The following DLGAP2 variants were observed in gnomAD, a reference collection of about 807,000 sequenced individuals.
DLGAP2 encodes disks large-associated protein 2.
Under a neutral mutation model 100.3 loss-of-function variants are expected in DLGAP2, and 26 were observed. That is an observed-to-expected ratio of 0.26 (90% CI 0.19 to 0.36). The LOEUF (loss-of-function observed/expected upper bound fraction) is 0.36, where lower values mean the gene tolerates loss of function less well. DLGAP2 is among the 10% of genes least tolerant of loss of function. The pLI, the probability that DLGAP2 is intolerant of heterozygous loss-of-function variation, is 1.00. For synonymous variants in DLGAP2, 886 were observed against 630.1 expected, an observed-to-expected ratio of 1.41 and a Z score of -6.08; for missense variants, 1,858 against 1,453.2, an observed-to-expected ratio of 1.28 and a Z score of -4.53.
At chr8:1,201,266 C>A (rs1468158374) in intron 2 of DLGAP2, among the ~76,000 whole-genome samples, 1 of 152,212 alleles carries the variant, frequency 6.6e-6, no homozygotes, top group Non-Finnish European at 1.5e-5. Context: ...CAGGTCCCAA[C>A]CACAGAGCCG....
chr8:1,639,084 G>C (rs1209013120), intron 8 of DLGAP2, among the ~76,000 whole-genome samples: 1 of 152,232 alleles, frequency 6.6e-6, no homozygotes, highest in East Asian at 1.9e-4. Flanking sequence ...CAGGTGCCGA[G>C]TAGTTCAGAT....
chr8:1,630,873 C>T (rs917327936), intron 7 of DLGAP2, among the ~76,000 whole-genome samples: 9 of 151,676 alleles, frequency 5.9e-5, no homozygotes, highest in Non-Finnish European at 1.2e-4. Flanking sequence ...GCTCATGTCC[C>T]GAGGGTCTCG....
intron 2 of DLGAP2, among the ~76,000 whole-genome samples, chr8:1,229,560 G>C (rs1272349175): frequency 6.6e-6 from 1 of 152,012 alleles, no homozygotes; most frequent in African/African-American, 2.4e-5. Context: ...TGTGGGATTA[G>C]GTGTAATGTG....
intron 1 of DLGAP2, among the ~76,000 whole-genome samples, chr8:839,947 C>T (rs1440727787): frequency 6.6e-6 from 1 of 151,790 alleles, no homozygotes; most frequent in African/African-American, 2.4e-5. Context: ...TGCACACCTG[C>T]ATGTCTCCGT....
At chr8:1,166,695 T>C (rs1797023033) in intron 2 of DLGAP2, among the ~76,000 whole-genome samples, 1 of 152,284 alleles carries the variant, frequency 6.6e-6, no homozygotes, top group East Asian at 1.9e-4. Flanking sequence ...TCACCCCACA[T>C]TGTGAACGTG....
At chr8:931,652 C>A (rs1278535813) in intron 2 of DLGAP2, among the ~76,000 whole-genome samples, 1 of 152,200 alleles carries the variant, frequency 6.6e-6, no homozygotes, top group Non-Finnish European at 1.5e-5. Flanking sequence ...CCAGCCCATT[C>A]TGAGTTTCTG....
chr8:1,428,787 G>A (rs1407147579), intron 3 of DLGAP2, among the ~76,000 whole-genome samples: 1 of 152,182 alleles, frequency 6.6e-6, no homozygotes, highest in African/African-American at 2.4e-5. Flanking sequence ...TCATATCAGT[G>A]CATGTGCTGC....
intron 3 of DLGAP2, among the ~76,000 whole-genome samples, chr8:1,276,774 T>A (rs1205552876): frequency 2.0e-5 from 3 of 152,198 alleles, no homozygotes; most frequent in Non-Finnish European, 4.4e-5. Context: ...TAAAGTTGTT[T>A]TCATTGTTTA....
chr8:774,830 G>A (rs369106663), intron 1 of DLGAP2, among the ~76,000 whole-genome samples: 4 of 145,826 alleles, frequency 2.7e-5, no homozygotes, highest in East Asian at 2.0e-4. Context: ...TTGGCGATGC[G>A]GGCTCTTTTT....
chr8:835,187 C>A (rs183130981), intron 1 of DLGAP2, among the ~76,000 whole-genome samples: 114 of 152,320 alleles, frequency 7.5e-4, no homozygotes, highest in African/African-American at 2.6e-3. Flanking sequence ...ATTCACCAAA[C>A]AACTGAGTAG....
chr8:1,032,382 T>C (rs1314253335), intron 2 of DLGAP2, among the ~76,000 whole-genome samples: 1 of 152,116 alleles, frequency 6.6e-6, no homozygotes, highest in African/African-American at 2.4e-5. Flanking sequence ...CTCCCAGCGA[T>C]TTCTCCACAG....
At chr8:1,434,660 G>C (rs1797564145) in intron 3 of DLGAP2, among the ~76,000 whole-genome samples, 3 of 152,146 alleles carry the variant, frequency 2.0e-5, no homozygotes, top group African/African-American at 7.2e-5. Flanking sequence ...TGTTTTAGTA[G>C]AGATGGGGTG....
intron 3 of DLGAP2, among the ~76,000 whole-genome samples, chr8:1,444,181 C>T (rs1797916808): frequency 6.6e-6 from 1 of 152,062 alleles, no homozygotes; most frequent in Non-Finnish European, 1.5e-5. Flanking sequence ...GAACTCCTGG[C>T]CTCAAGCGAT....
intron 4 of DLGAP2, among the ~76,000 whole-genome samples, chr8:1,509,237 G>A (rs766413255): frequency 1.3e-5 from 2 of 151,596 alleles, no homozygotes; most frequent in African/African-American, 2.4e-5. Context: ...AGGCTGAGGC[G>A]GAAGAATTGC....
chr8:1,327,833 G>A (rs1229597632), intron 3 of DLGAP2, among the ~76,000 whole-genome samples: 1 of 152,104 alleles, frequency 6.6e-6, no homozygotes, highest in African/African-American at 2.4e-5. Context: ...AACAGAGGGA[G>A]ACTCCGTCTC....
chr8:1,196,601 G>C (rs184465558), intron 2 of DLGAP2, among the ~76,000 whole-genome samples: 147 of 152,360 alleles, frequency 9.6e-4, no homozygotes, highest in African/African-American at 1.6e-3. Flanking sequence ...AACAGCACTT[G>C]TGCAGAGGCA....
At chr8:1,426,619 C>G (rs534186140) in intron 3 of DLGAP2, among the ~76,000 whole-genome samples, 445 of 152,272 alleles carry the variant, frequency 2.9e-3, no homozygotes, top group Non-Finnish European at 4.8e-3. Flanking sequence ...ATGTGAAACT[C>G]AAGACCATGC....
At chr8:1,587,002 C>G (rs982326268) in intron 6 of DLGAP2, among the ~76,000 whole-genome samples, 3 of 152,160 alleles carry the variant, frequency 2.0e-5, no homozygotes, top group African/African-American at 4.8e-5. Context: ...TACCCATAAT[C>G]TATGCATAGT....
chr8:1,097,696 C>A (rs1393019322), intron 2 of DLGAP2, among the ~76,000 whole-genome samples: 1 of 133,728 alleles, frequency 7.5e-6, no homozygotes, highest in Non-Finnish European at 1.6e-5. Context: ...GAGAGGTCTC[C>A]TCCAGTGTGA....
Sources: allele counts gnomAD v4.1 joint callset (sites outside exome capture counted in the v4.1 genomes callset), GRCh38; gene constraint gnomAD v4.1.1; transcripts MANE v1.5; gene names NCBI Gene and HGNC (gene_info 2026-07-23, HGNC 2026-07-21).